Variants in PKNOX2 observed in about 807,000 individuals in gnomAD.
PKNOX2 encodes PBX/knotted 1 homeobox 2, also known as homeobox protein PKNOX2.
PKNOX2 carries 14 observed loss-of-function variants against 53.1 expected under a neutral mutation model. The observed-to-expected ratio is 0.26, with a 90% CI of 0.17 to 0.41. PKNOX2 has a LOEUF of 0.41. PKNOX2 is among the 10% of genes least tolerant of loss of function. PKNOX2 has a pLI of 1.00. For synonymous variants in PKNOX2, 257 were observed against 242.8 expected, an observed-to-expected ratio of 1.06 and a Z score of -0.54; for missense variants, 496 against 602.8, an observed-to-expected ratio of 0.82 and a Z score of 1.85.
intron 1 of PKNOX2, among the ~76,000 whole-genome samples, chr11:125,182,114 T>A (rs1399991719): frequency 6.6e-6 from 1 of 152,212 alleles, no homozygotes; most frequent in Non-Finnish European, 1.5e-5. Context: ...ATTTGCTTTC[T>A]TTTGGAGCCA....
At chr11:125,430,447 G>C (rs1032573456) in intron 12 of PKNOX2, among the ~76,000 whole-genome samples, 1 of 152,176 alleles carries the variant, frequency 6.6e-6, no homozygotes, top group Admixed American at 6.5e-5. Context: ...TATCTGCACA[G>C]CTCTTCAGGA....
intron 2 of PKNOX2, among the ~76,000 whole-genome samples, chr11:125,238,839 C>T (rs1375155419): frequency 6.6e-6 from 1 of 152,212 alleles, no homozygotes; most frequent in African/African-American, 2.4e-5. Context: ...AAGGCTCCAG[C>T]TTGGGAGAAG....
intron 2 of PKNOX2, among the ~76,000 whole-genome samples, chr11:125,256,355 G>A (rs749999060): frequency 2.1e-4 from 32 of 152,240 alleles, no homozygotes; most frequent in Middle Eastern, 3.4e-3. Flanking sequence ...TGCCCACTGA[G>A]TCTGTCTCTT....
At chr11:125,201,551 C>T (rs548736404) in intron 1 of PKNOX2, among the ~76,000 whole-genome samples, 5 of 152,278 alleles carry the variant, frequency 3.3e-5, no homozygotes, top group South Asian at 2.1e-4. Context: ...TGTCCCTCTC[C>T]GAGCTGGAGT....
chr11:125,354,168 G>C (rs968107607), intron 4 of PKNOX2, among the ~76,000 whole-genome samples: 1 of 152,140 alleles, frequency 6.6e-6, no homozygotes, highest in Admixed American at 6.5e-5. Context: ...ATGGACCCCA[G>C]CTTCCTAGGG....
chr11:125,398,309 A>G (rs1224838932), intron 7 of PKNOX2, among the ~76,000 whole-genome samples: 1 of 152,208 alleles, frequency 6.6e-6, no homozygotes, highest in African/African-American at 2.4e-5. Context: ...GAGAGGGACA[A>G]TGTCCAAAAT....
rs186704958 is a variant in PKNOX2, at chr11:125,352,145, C to T, written c.87+753C>T. Among the ~76,000 whole-genome samples, 12 of 152,290 alleles carry T rather than the reference C, an allele frequency of 7.9e-5. No individual in the cohort carries two copies. Among genetic ancestry groups the T allele is most frequent in the Non-Finnish European group, 7.4e-5 (5 of 68,026 alleles). ...GCCCTCCTACATCCTTTAGACCAGC[C>T]GCTTTTCCTTTTTGCTTCCCCCAGG... On this transcript the variant is annotated intron_variant, in intron 4 of 12. Transcript: ENST00000298282. The surrounding 1 kb of genome is among the most constrained non-coding windows in gnomAD (Gnocchi z 4.1).
intron 7 of PKNOX2, among the ~76,000 whole-genome samples, chr11:125,407,431 T>A (rs36085692): frequency 0.05 from 7,551 of 152,316 alleles, 322 homozygotes; most frequent in East Asian, 0.23. Context: ...TTTCTAACCT[T>A]GTTGGGTACT....
At chr11:125,226,090 T>G (rs915795048) in intron 1 of PKNOX2, among the ~76,000 whole-genome samples, 1 of 152,254 alleles carries the variant, frequency 6.6e-6, no homozygotes, top group Non-Finnish European at 1.5e-5. Context: ...AATATTTACT[T>G]GCACAAGACA....
intron 2 of PKNOX2, among the ~76,000 whole-genome samples, chr11:125,319,253 T>C (rs1949381674): frequency 6.6e-6 from 1 of 152,164 alleles, no homozygotes; most frequent in Non-Finnish European, 1.5e-5. Context: ...CTTATAGGGG[T>C]ACATTTTATG....
intron 2 of PKNOX2, among the ~76,000 whole-genome samples, chr11:125,272,733 C>T (rs80333185): frequency 0.04 from 6,017 of 152,262 alleles, 415 homozygotes; most frequent in African/African-American, 0.14. Context: ...GGGGTTTCCC[C>T]TTCTTTATTT....
intron 2 of PKNOX2, among the ~76,000 whole-genome samples, chr11:125,273,168 T>C (rs1015803168): frequency 6.6e-6 from 1 of 152,116 alleles, no homozygotes; most frequent in Non-Finnish European, 1.5e-5. Flanking sequence ...AGGCTCAGAG[T>C]TCAGGGATGG....
intron 1 of PKNOX2, among the ~76,000 whole-genome samples, chr11:125,189,441 GTGTGTGTATATATATATA>G (rs1371618981): frequency 4.5e-4 from 26 of 57,960 alleles, no homozygotes; most frequent in African/African-American, 1.7e-3. Flanking sequence ...GTGTGTGTGT[GTGTGTGTATATATATATA>G]TATATATATA....
At chr11:125,414,990 A>G (rs2321158) in intron 10 of PKNOX2, among the ~76,000 whole-genome samples, 60,619 of 151,850 alleles carry the variant, frequency 0.4, 12,574 homozygotes, top group Middle Eastern at 0.51. Flanking sequence ...CTATCATTTG[A>G]CCGTAAGAGT....
chr11:125,285,539 T>C (rs1171557931), intron 2 of PKNOX2, among the ~76,000 whole-genome samples: 2 of 152,206 alleles, frequency 1.3e-5, no homozygotes, highest in South Asian at 2.1e-4. Context: ...GCCTAACCTC[T>C]AGATTTGCTA....
chr11:125,389,555 C>T (rs1305647300), intron 6 of PKNOX2, among the ~76,000 whole-genome samples: 1 of 152,188 alleles, frequency 6.6e-6, no homozygotes, highest in Non-Finnish European at 1.5e-5. Context: ...CGCAGGGGCT[C>T]ACCAGGACGA....
chr11:125,254,885 A>G (rs532231270), intron 2 of PKNOX2, among the ~76,000 whole-genome samples: 5 of 152,230 alleles, frequency 3.3e-5, no homozygotes, highest in Non-Finnish European at 2.9e-5. Context: ...AGTGCTGGAC[A>G]GTGGATGGTT....
At chr11:125,270,136 T>C (rs1691981768) in intron 2 of PKNOX2, among the ~76,000 whole-genome samples, 2 of 152,252 alleles carry the variant, frequency 1.3e-5, no homozygotes, top group South Asian at 4.1e-4. Context: ...TAAGAACTCT[T>C]GGCTAGTATT....
chr11:125,179,841 G>A (rs1430370373), intron 1 of PKNOX2, among the ~76,000 whole-genome samples: 5 of 152,216 alleles, frequency 3.3e-5, no homozygotes, highest in Non-Finnish European at 5.9e-5. Context: ...GATGGTGGGG[G>A]TGGAGGTAAA....
Sources: allele counts gnomAD v4.1 joint callset (sites outside exome capture counted in the v4.1 genomes callset), GRCh38; gene constraint gnomAD v4.1.1; non-coding constraint Gnocchi (gnomAD v3.1); transcripts MANE v1.5; gene names NCBI Gene and HGNC (gene_info 2026-07-23, HGNC 2026-07-21).